The following TMPRSS6 variants were observed in gnomAD, a reference collection of about 807,000 sequenced individuals.
The protein encoded by TMPRSS6 is transmembrane serine protease 6.
TMPRSS6 carries 67 observed loss-of-function variants against 101.5 expected under a neutral mutation model. That is an observed-to-expected ratio of 0.66 (90% confidence interval 0.54 to 0.81). TMPRSS6 has a LOEUF of 0.81. TMPRSS6 is among the 30% of genes least tolerant of loss of function. The pLI is 0.00. For synonymous variants in TMPRSS6, 453 were observed against 464.9 expected (o/e 0.97, Z 0.33); for missense variants, 1,034 against 1,088.7 (o/e 0.95, Z 0.71).
At position 37,089,617 on chromosome 22, in the gene TMPRSS6, T is replaced by A; in HGVS notation, c.797A>T (p.Tyr266Phe). 1 of 1,491,444 alleles carries A rather than the reference T, an allele frequency of 6.7e-7. No homozygotes were observed. 92.4% of individuals were successfully genotyped at this position (1,491,444 alleles called of 1,614,324 possible). The change falls in exon 7 of 18, where the codon TAT (tyrosine) becomes TTT (phenylalanine). Residue 266 changes from tyrosine (Y) to phenylalanine (F), a missense_variant. Physicochemically the swap from Tyr to Phe is conservative, Grantham distance 22 (BLOSUM62 3). Coordinates refer to ENST00000676104, the MANE Select transcript of TMPRSS6 (RefSeq NM_001374504.1). Reference sequence around the variant, plus strand: ...CTTCTCCAGGGGCCCGGCCACGTCATACATGGCCAGTCGGTCCCGGCACTC... The same window carrying A: ...CTTCTCCAGGGGCCCGGCCACGTCAAACATGGCCAGTCGGTCCCGGCACTC... ...LAECRDRLAMYDVAGPLEKRL... is the reference protein window; with the variant it reads ...LAECRDRLAMFDVAGPLEKRL...
intron 17 of TMPRSS6, among the ~76,000 whole-genome samples, chr22:37,066,484 C>T (rs1040417426): frequency 4.6e-5 from 7 of 152,262 alleles, no homozygotes; most frequent in East Asian, 3.8e-4. Flanking sequence ...ACTCTGCCTC[C>T]GCCTCCCTTC....
At chr22:37,093,924 G>A (rs1488491531) in intron 6 of TMPRSS6, among the ~76,000 whole-genome samples, 1 of 152,022 alleles carries the variant, frequency 6.6e-6, no homozygotes, top group Non-Finnish European at 1.5e-5. Context: ...TCAGGAGGCT[G>A]AAGCAGGAGA....
chr22:37,096,775 C>T, intron 3 of TMPRSS6, 60 bp from the exon 4 acceptor site: 1 of 1,518,572 alleles, frequency 6.6e-7, no homozygotes, highest in Non-Finnish European at 9.0e-7. Context: ...GGCCCACTTC[C>T]TACCTGGAGG....
intron 6 of TMPRSS6, among the ~76,000 whole-genome samples, chr22:37,091,207 A>G (rs987916226): frequency 6.6e-6 from 1 of 152,250 alleles, no homozygotes; most frequent in African/African-American, 2.4e-5. Context: ...TATCTCATTT[A>G]AACCTCGCCA....
At position 37,095,977 on chromosome 22, in the gene TMPRSS6, G is replaced by A. The variant is rs1569021443; in HGVS notation, c.518C>T (p.Thr173Ile). Residue 173 changes from threonine to isoleucine, a missense_variant, in exon 5 of 18, where the codon ACA becomes ATA. Coordinates refer to ENST00000676104, the MANE Select transcript of TMPRSS6 (RefSeq NM_001374504.1). ...GGGGACGGCAGCCGAGCTGTTGACT[G>A]TGGACAGCAGCTCCTCCACCAGCAG... ...QALLVEELLS[T>I]VNSSAAVPYR... 1.2e-6 allele frequency: 2 copies of A among 1,614,212 alleles called. No individual in the cohort carries two copies. Among genetic ancestry groups the A allele is most frequent in the East Asian group, 4.5e-5 (2 of 44,888 alleles).
intron 2 of TMPRSS6, among the ~76,000 whole-genome samples, chr22:37,100,232 G>T (rs1218853269): frequency 6.6e-6 from 1 of 152,280 alleles, no homozygotes; most frequent in Non-Finnish European, 1.5e-5. Flanking sequence ...CTCCCAAAGT[G>T]CTGGGATTAC....
rs1488269211 is a variant in TMPRSS6, at chr22:37,069,365, G to A, written c.1842-21C>T. 3 of 1,436,912 alleles carry A rather than the reference G, an allele frequency of 2.1e-6. No homozygotes were observed. The highest frequency in any genetic ancestry group is 2.8e-6 in the Non-Finnish European group (3 of 1,057,422). The allele number at this position is 1,436,912 out of a possible 1,614,324, so 89.0% of individuals were successfully genotyped here. A position where few individuals can be genotyped will look rare whatever the true frequency, so the allele number is the denominator to read the frequency against. On this transcript the variant is annotated intron_variant, in intron 15 of 17. Coordinates refer to ENST00000676104, the MANE Select transcript of TMPRSS6 (RefSeq NM_001374504.1). This position sits in a 1 kb window ranked among gnomAD's most constrained non-coding sequence, Gnocchi z 4.8. ...CCATGCTGGGGTGGGGTGGGGTGGG[G>A]TGGGGTGGGGTGAGGTGAGGTGGGA... is the stretch of plus-strand genomic sequence containing the variant.
chr22:37,088,346 T>C (rs1042905400), intron 7 of TMPRSS6, among the ~76,000 whole-genome samples: 1 of 152,110 alleles, frequency 6.6e-6, no homozygotes, highest in Non-Finnish European at 1.5e-5. Flanking sequence ...CCAGCTCACA[T>C]TCAAAGACTG....
At position 37,108,855 on chromosome 22, in the gene TMPRSS6, T is replaced by C. The variant is rs228915; in HGVS notation, c.-2+648A>G. Among the ~76,000 whole-genome samples, 639 of 152,270 alleles carry C rather than the reference T, an allele frequency of 4.2e-3. 5 individuals carry two copies. Among genetic ancestry groups the C allele is most frequent in the African/African-American group, 0.014 (600 of 41,554 alleles). On this transcript the variant is annotated intron_variant, in intron 1 of 17. Coordinates refer to ENST00000676104, the MANE Select transcript of TMPRSS6 (RefSeq NM_001374504.1). Reference sequence around the variant, plus strand: ...TAGGGGCATCTTTCAGTGAAACCATTAGGCCCTAGAGTCCTGAGAGTGTGG... The same window carrying C: ...TAGGGGCATCTTTCAGTGAAACCATCAGGCCCTAGAGTCCTGAGAGTGTGG...
chr22:37,095,917 A>G lies in TMPRSS6; in HGVS notation c.578T>C (p.Leu193Pro). 6.2e-7 allele frequency: 1 copy of G among 1,614,060 alleles called. No individual in the cohort carries two copies. Among genetic ancestry groups the G allele is most frequent in the Non-Finnish European group, 8.5e-7 (1 of 1,179,962 alleles). The change falls in exon 5 of 18, where the codon CTA becomes CCA. Residue 193 changes from leucine (L) to proline (P), a missense_variant. By Grantham distance (98) the Leu-to-Pro change is moderately conservative. Transcript: ENST00000676104. The stretch of plus-strand genomic sequence containing the variant: ...CTCGCAGTACTGACCCAGGATCACT[A>G]GGCCCTCGGGGTCCACTTCGTACTC... The part of the protein sequence containing the change: ...RAEYEVDPEG[L>P]VILEASVKDI...
In TMPRSS6 at chr22:37,101,589, G is replaced by A. The variant is rs1297999287; in HGVS notation, c.202+1627C>T. Among the ~76,000 whole-genome samples, 1 of 152,066 alleles carries A rather than the reference G, an allele frequency of 6.6e-6. No homozygotes were observed. The highest frequency in any genetic ancestry group is 1.9e-4 in the East Asian group (1 of 5,176). On this transcript the variant is annotated intron_variant, in intron 2 of 17. Transcript: ENST00000676104. The surrounding 1 kb of genome is among the most constrained non-coding windows in gnomAD (Gnocchi z 4.1). ...GGAGCACAGCCTGGTCAAGGCGGGA[G>A]GAGTCTTTCAAACAGCTCCCAAAGT...
At chr22:37,075,992 A>G (rs1386072792) in intron 10 of TMPRSS6, among the ~76,000 whole-genome samples, 1 of 150,436 alleles carries the variant, frequency 6.6e-6, no homozygotes, top group Non-Finnish European at 1.5e-5. Flanking sequence ...AAAGAAAGAG[A>G]AAGAAAGGAA....
chr22:37,086,474 G>A, intron 7 of TMPRSS6, 55 bp from the exon 8 acceptor site: 15 of 1,548,522 alleles, frequency 9.7e-6, no homozygotes, highest in Non-Finnish European at 1.2e-5. Context: ...GGGAGTGGCA[G>A]GGAGGGCGGC....
At chr22:37,068,845 GCCCTTCC>G (rs1926578129) in intron 16 of TMPRSS6, among the ~76,000 whole-genome samples, 1 of 152,236 alleles carries the variant, frequency 6.6e-6, no homozygotes, top group African/African-American at 2.4e-5. Context: ...CACACATAAC[GCCCTTCC>G]AGAAGGAAGG....
intron 15 of TMPRSS6, 127 bp downstream of exon 15, chr22:37,070,357 A>T: frequency 8.0e-7 from 1 of 1,253,420 alleles, no homozygotes; most frequent in Non-Finnish European, 1.2e-6. Flanking sequence ...CTCACATCAC[A>T]GTAGCCTGTC....
rs1928437405 is a variant in TMPRSS6, at chr22:37,083,648, A to G, written c.1196+647T>C. 2.0e-5 allele frequency among the ~76,000 whole-genome samples: 3 copies of G among 152,240 alleles called. No homozygotes were observed. In the South Asian group the frequency reaches 6.2e-4, roughly 32 times the overall value. On this transcript the variant is annotated intron_variant, in intron 10 of 17. Coordinates refer to ENST00000676104, the MANE Select transcript of TMPRSS6 (RefSeq NM_001374504.1). ...TGGGCACCTACTGGCCTCATGCCAT[A>G]GTGACCCTGGCAACGGTAGTCGCTT...
At chr22:37,100,070 C>T (rs1489020814) in intron 2 of TMPRSS6, among the ~76,000 whole-genome samples, 1 of 152,196 alleles carries the variant, frequency 6.6e-6, no homozygotes, top group Non-Finnish European at 1.5e-5. Flanking sequence ...CGGGTTCAAG[C>T]GATTCTCCTG....
In TMPRSS6 at chr22:37,074,632, G is replaced by A. The variant is rs747559770; in HGVS notation, c.1419C>T (p.Asn473=). Residue 473 remains asparagine (N), a synonymous_variant, in exon 12 of 18, where the codon AAC becomes AAT. Transcript: ENST00000676104. ...CACCGCAGTTTCTCTCATCCAGGCC[G>A]TTGGGGCAGTCCTTGACCCCATCAC... ...PACDGVKDCP[N]GLDERNCVCR... 1.4e-5 allele frequency: 22 copies of A among 1,614,080 alleles called. No homozygotes were observed. The highest frequency in any genetic ancestry group is 6.6e-5 in the South Asian group (6 of 91,086).
Position 37,095,399 on chromosome 22 carries a change from A to G in TMPRSS6, c.631+152T>C, listed in dbSNP as rs1387185953. On this transcript the variant is annotated intron_variant, in intron 6 of 17. Transcript: ENST00000676104. Reference sequence around the variant, plus strand: ...AGGCTCCAAGACTTGCTTGGGACACATCGCTGAGTCCACCATGGCATCCCC... The same window carrying G: ...AGGCTCCAAGACTTGCTTGGGACACGTCGCTGAGTCCACCATGGCATCCCC... 13 of 929,516 alleles carry G rather than the reference A, an allele frequency of 1.4e-5. No individual in the cohort carries two copies. The Admixed American group carries it at 2.7e-4, about 20-fold the overall frequency. The allele number at this position is 929,516 out of a possible 1,614,324, so 57.6% of individuals were successfully genotyped here.
Sources: allele counts gnomAD v4.1 joint callset (sites outside exome capture counted in the v4.1 genomes callset), GRCh38; gene constraint gnomAD v4.1.1; non-coding constraint Gnocchi (gnomAD v3.1); transcripts MANE v1.5; gene names NCBI Gene and HGNC (gene_info 2026-07-23, HGNC 2026-07-21).